The following PPP1R14C variants were observed in gnomAD, a reference collection of about 807,000 sequenced individuals.
The protein encoded by PPP1R14C is protein phosphatase 1 regulatory subunit 14C.
In PPP1R14C, 16 loss-of-function variants were observed where a neutral mutation model predicts 20.4. The ratio of observed to expected loss-of-function variants is 0.78; its 90% CI spans 0.53 to 1.19. The LOEUF (loss-of-function observed/expected upper bound fraction) is 1.19. Among genes scored for constraint, PPP1R14C ranks in the 50% most tolerant of loss-of-function variants. The probability of loss-of-function intolerance (pLI) is 0.00; values close to 1 mark genes in which losing one functional copy is unlikely to be tolerated. For missense variants in PPP1R14C, 211 were observed against 220.1 expected (o/e 0.96, Z 0.26); for synonymous variants, 91 against 91.0 (o/e 1.00, Z 0.00).
At chr6:150,221,767 G>T (rs931655803) in intron 3 of PPP1R14C, among the ~76,000 whole-genome samples, 12 of 152,124 alleles carry the variant, frequency 7.9e-5, no homozygotes, top group Middle Eastern at 6.8e-3. Context: ...TATTGGTAAG[G>T]ATTATTTGCT....
chr6:150,179,920 G>A (rs1006675521), intron 1 of PPP1R14C, among the ~76,000 whole-genome samples: 1 of 152,110 alleles, frequency 6.6e-6, no homozygotes, highest in African/African-American at 2.4e-5. Context: ...AACTGAGATG[G>A]GCCAGGCACG....
At chr6:150,235,790 C>T (rs2114927793) in intron 3 of PPP1R14C, among the ~76,000 whole-genome samples, 1 of 152,184 alleles carries the variant, frequency 6.6e-6, no homozygotes, top group South Asian at 2.1e-4. Flanking sequence ...ACTGAGGGCT[C>T]TGGAGATTTT....
chr6:150,186,215 A>G (rs1341394305), intron 1 of PPP1R14C, among the ~76,000 whole-genome samples: 2 of 152,206 alleles, frequency 1.3e-5, no homozygotes, highest in East Asian at 1.9e-4. Context: ...GAGAAAAGAC[A>G]TTAATTCCAG....
chr6:150,163,330 G>A (rs1011961348), intron 1 of PPP1R14C, among the ~76,000 whole-genome samples: 1 of 152,210 alleles, frequency 6.6e-6, no homozygotes, highest in African/African-American at 2.4e-5. Flanking sequence ...GGCGGAGATT[G>A]CAGTGAGCGG....
intron 1 of PPP1R14C, among the ~76,000 whole-genome samples, chr6:150,182,984 C>T (rs1443214953): frequency 6.6e-6 from 1 of 152,188 alleles, no homozygotes; most frequent in Non-Finnish European, 1.5e-5. Context: ...CACATCTACA[C>T]ACAGAAAAAG....
At chr6:150,239,394 G>A (rs1311701544) in intron 3 of PPP1R14C, among the ~76,000 whole-genome samples, 1 of 152,084 alleles carries the variant, frequency 6.6e-6, no homozygotes, top group Non-Finnish European at 1.5e-5. Flanking sequence ...TGATTACAGT[G>A]GAATTACATT....
intron 3 of PPP1R14C, among the ~76,000 whole-genome samples, chr6:150,225,020 A>G (rs1778214973): frequency 6.6e-6 from 1 of 151,964 alleles, no homozygotes; most frequent in Non-Finnish European, 1.5e-5. Context: ...GGTGGAATGG[A>G]TAGCTAGAGC....
intron 3 of PPP1R14C, among the ~76,000 whole-genome samples, chr6:150,236,791 T>C (rs2114928752): frequency 6.6e-6 from 1 of 152,290 alleles, no homozygotes; most frequent in Admixed American, 6.5e-5. Context: ...TGGGTGGCTC[T>C]GGAGTGGCTG....
chr6:150,152,738 C>T (rs1479255359), intron 1 of PPP1R14C, among the ~76,000 whole-genome samples: 2 of 152,188 alleles, frequency 1.3e-5, no homozygotes, highest in African/African-American at 4.8e-5. Flanking sequence ...TCCTGTCTCC[C>T]ACCCTCACTG....
intron 3 of PPP1R14C, among the ~76,000 whole-genome samples, chr6:150,226,366 A>G (rs1039127314): frequency 6.6e-6 from 1 of 152,230 alleles, no homozygotes; most frequent in Admixed American, 6.5e-5. Flanking sequence ...TATTTTGGAT[A>G]TTACTTGTAT....
chr6:150,176,280 C>T (rs911660246), intron 1 of PPP1R14C, among the ~76,000 whole-genome samples: 38 of 152,148 alleles, frequency 2.5e-4, no homozygotes, highest in Admixed American at 2.3e-3. Flanking sequence ...CGGGAGTGCC[C>T]GTGGCTTCCA....
chr6:150,223,168 T>C (rs6557376), intron 3 of PPP1R14C, among the ~76,000 whole-genome samples: 25,420 of 152,210 alleles, frequency 0.17, 2,679 homozygotes, highest in African/African-American at 0.3. Flanking sequence ...GGTCTTTTCA[T>C]TGCTTGATAG....
At chr6:150,240,012 C>T (rs889055590) in intron 3 of PPP1R14C, among the ~76,000 whole-genome samples, 1 of 152,028 alleles carries the variant, frequency 6.6e-6, no homozygotes, top group Non-Finnish European at 1.5e-5. Context: ...CGAGATTGTG[C>T]CACTGCACTC....
chr6:150,176,200 G>A (rs1024400723), intron 1 of PPP1R14C, among the ~76,000 whole-genome samples: 1 of 152,226 alleles, frequency 6.6e-6, no homozygotes, highest in Non-Finnish European at 1.5e-5. Context: ...GTAGAACCTA[G>A]GCAGCGCTTG....
At chr6:150,189,815 C>T (rs1185173316) in intron 1 of PPP1R14C, among the ~76,000 whole-genome samples, 1 of 152,170 alleles carries the variant, frequency 6.6e-6, no homozygotes. Flanking sequence ...TTCCTTGGCA[C>T]CAACAGCCAC....
At chr6:150,165,258 T>C (rs1777410877) in intron 1 of PPP1R14C, among the ~76,000 whole-genome samples, 2 of 152,270 alleles carry the variant, frequency 1.3e-5, no homozygotes, top group African/African-American at 4.8e-5. Flanking sequence ...GCTGTAAATA[T>C]TCAATAAATA....
At chr6:150,191,508 T>A (rs1316485612) in intron 1 of PPP1R14C, among the ~76,000 whole-genome samples, 1 of 152,202 alleles carries the variant, frequency 6.6e-6, no homozygotes. Context: ...TGTATGTCTC[T>A]CAGAGCATCC....
chr6:150,156,176 T>C (rs1281060711), intron 1 of PPP1R14C, among the ~76,000 whole-genome samples: 4 of 152,108 alleles, frequency 2.6e-5, no homozygotes, highest in African/African-American at 9.7e-5. Context: ...CTTGCACTCT[T>C]GGTCTATCTA....
chr6:150,155,888 G>C (rs1777299932), intron 1 of PPP1R14C, among the ~76,000 whole-genome samples: 1 of 151,672 alleles, frequency 6.6e-6, no homozygotes, highest in Non-Finnish European at 1.5e-5. Flanking sequence ...AGCCAGGTGT[G>C]ATGGTGGGCA....
Sources: allele counts gnomAD v4.1 joint callset (sites outside exome capture counted in the v4.1 genomes callset), GRCh38; gene constraint gnomAD v4.1.1; transcripts MANE v1.5; gene names NCBI Gene and HGNC (gene_info 2026-07-23, HGNC 2026-07-21).